FAT1: variants seen among roughly 807,000 people sequenced by gnomAD.
The protein encoded by FAT1 is FAT atypical cadherin 1, also known as protocadherin Fat 1.
In FAT1, 171 loss-of-function variants were observed where a neutral mutation model predicts 329.8. That is an observed-to-expected ratio of 0.52 (90% CI 0.46 to 0.59). The LOEUF (loss-of-function observed/expected upper bound fraction) is 0.59, where lower values mean the gene tolerates loss of function less well. FAT1 is among the 20% of genes least tolerant of loss of function. The probability of loss-of-function intolerance (pLI) is 0.00; values close to 1 mark genes in which losing one functional copy is unlikely to be tolerated. For synonymous variants in FAT1, 2,233 were observed against 2,228.6 expected (o/e 1.00, Z -0.06); for missense variants, 5,672 against 5,774.4 (o/e 0.98, Z 0.57).
At position 186,603,221 on chromosome 4, in the gene FAT1, A is replaced by G; in HGVS notation, c.11305T>C (p.Phe3769Leu). 1 of 1,613,738 alleles carries G rather than the reference A, an allele frequency of 6.2e-7. No individual in the cohort carries two copies. The highest frequency in any genetic ancestry group is 8.5e-7 in the Non-Finnish European group (1 of 1,179,814). ...MSTHSTARLS[F>L]VTPRHHRAAV... Reference sequence around the variant, plus strand: ...GCCCTGTGGTGGCGGGGAGTCACAAAACTCAGTCTGGCTGTGCTGTGTGTT... The same window carrying G: ...GCCCTGTGGTGGCGGGGAGTCACAAGACTCAGTCTGGCTGTGCTGTGTGTT... The change falls in exon 19 of 27, where the codon TTT becomes CTT. Residue 3769 changes from phenylalanine to leucine, a missense_variant. By Grantham distance (22) the Phe-to-Leu change is conservative. Around this residue, in one of 2 missense-constraint regions of FAT1, gnomAD observed 1,706 missense variants for 1,859.1 expected, o/e 0.92. Transcript: ENST00000441802.
Position 186,609,968 on chromosome 4 carries a change from ACT to A in FAT1, c.9899_9900del (p.Glu3300ValfsTer9), listed in dbSNP as rs1560930925. 1 of 1,613,568 alleles carries A rather than the reference ACT, an allele frequency of 6.2e-7. No individual in the cohort carries two copies. The highest frequency in any genetic ancestry group is 1.7e-5 in the Admixed American group (1 of 60,018). On this transcript the variant is annotated frameshift_variant, in exon 15 of 27. Coordinates refer to ENST00000441802, the MANE Select transcript of FAT1 (RefSeq NM_005245.4). LOFTEE classifies it high-confidence loss of function. ...IENLDYESSHEYYLTVEATDG... is the reference protein window; with the variant it reads ...IENLDYESSHXYYLTVEATDG... The stretch of plus-strand genomic sequence containing the variant: ...TCAGTGGCCTCTACTGTTAGGTAAT[ACT>A]CATGAGAGCTCTCATAATCCAGATT...
intron 26 of FAT1, among the ~76,000 whole-genome samples, chr4:186,592,145 T>C (rs1264523238): frequency 6.6e-6 from 1 of 152,218 alleles, no homozygotes; most frequent in Non-Finnish European, 1.5e-5. Context: ...TAAAGGGCTA[T>C]TTTAATTTAA....
chr4:186,618,330 CACAAAGG>C lies in FAT1; in HGVS notation c.8249_8255del (p.Ser2750Ter). Reference sequence around the variant, plus strand: ...TCAGTCTCCCGCTCTGTCTGTCAATCACAAAGGACTCATCCCTATTGCTTTCTGGAGT... The same window carrying C: ...TCAGTCTCCCGCTCTGTCTGTCAATCACTCATCCCTATTGCTTTCTGGAGT... On this transcript the variant is annotated frameshift_variant, in exon 10 of 27. Coordinates refer to ENST00000441802, the MANE Select transcript of FAT1 (RefSeq NM_005245.4). LOFTEE classifies it high-confidence loss of function. 6.2e-7 allele frequency: 1 copy of C among 1,614,042 alleles called. No homozygotes were observed. The highest frequency in any genetic ancestry group is 8.5e-7 in the Non-Finnish European group (1 of 1,179,900).
intron 2 of FAT1, among the ~76,000 whole-genome samples, chr4:186,674,607 C>CTAAAGGA (rs1179503938): frequency 6.6e-6 from 1 of 152,170 alleles, no homozygotes; most frequent in Non-Finnish European, 1.5e-5. Flanking sequence ...GAAGGCCAAA[C>CTAAAGGA]AGATCCCTGT....
At chr4:186,656,898 C>T (rs1226860765) in intron 3 of FAT1, among the ~76,000 whole-genome samples, 1 of 152,112 alleles carries the variant, frequency 6.6e-6, no homozygotes, top group Non-Finnish European at 1.5e-5. Flanking sequence ...CTTAAAAAGG[C>T]ATCTTTTTCT....
rs1204978979 is a variant in FAT1, at chr4:186,620,921, A to G, written c.5665T>C (p.Leu1889=). 1 of 1,614,070 alleles carries G rather than the reference A, an allele frequency of 6.2e-7. No homozygotes were observed. Among genetic ancestry groups the G allele is most frequent in the Non-Finnish European group, 8.5e-7 (1 of 1,179,910 alleles). The change falls in exon 10 of 27, where the codon TTG becomes CTG. Residue 1889 remains leucine (L), a synonymous_variant. Transcript: ENST00000441802. ...TTTACTCCTTTGTATGTTGGTAACA[A>G]AAGAGATGCTTCATATAATGGCTTG... The part of the protein sequence containing the change: ...FAKPLYEASL[L]LPTYKGVKVI...
At position 186,636,312 on chromosome 4, in the gene FAT1, G is replaced by A. The variant is rs974467302; in HGVS notation, c.3973-77C>T. 5 of 1,377,236 alleles carry A rather than the reference G, an allele frequency of 3.6e-6. No individual in the cohort carries two copies. In the African/African-American group the frequency reaches 5.7e-5, roughly 16 times the overall value. The allele number at this position is 1,377,236 out of a possible 1,614,324, so 85.3% of individuals were successfully genotyped here. ...CCAGAAATGAATGAAGCACAGACTG[G>A]TTTGGTCTTAAACTGAGCCAATTTC... is the stretch of plus-strand genomic sequence containing the variant. On this transcript the variant is annotated intron_variant, in intron 5 of 26. Coordinates refer to ENST00000441802, the MANE Select transcript of FAT1 (RefSeq NM_005245.4).
At chr4:186,604,020 GT>G in intron 18 of FAT1, 43 bp from the exon 19 acceptor site, 1 of 1,422,030 alleles carries the variant, frequency 7.0e-7, no homozygotes, top group South Asian at 1.3e-5. Context: ...CTATGGCACT[GT>G]TTATAACTTC....
chr4:186,615,124 A>T (rs1005175967), intron 11 of FAT1, among the ~76,000 whole-genome samples: 1 of 152,202 alleles, frequency 6.6e-6, no homozygotes, highest in African/African-American at 2.4e-5. Flanking sequence ...ATGAATTTAA[A>T]GGATCTAGTG....
At chr4:186,657,944 G>C (rs1457906932) in intron 3 of FAT1, among the ~76,000 whole-genome samples, 1 of 152,148 alleles carries the variant, frequency 6.6e-6, no homozygotes, top group Non-Finnish European at 1.5e-5. Context: ...TCTTTTGTTT[G>C]GGACTCCCTT....
At chr4:186,715,661 A>T (rs1745177054) in intron 1 of FAT1, among the ~76,000 whole-genome samples, 1 of 152,198 alleles carries the variant, frequency 6.6e-6, no homozygotes, top group Admixed American at 6.5e-5. Flanking sequence ...TGCTTATGGA[A>T]ATTAAACTCC....
chr4:186,666,228 A>C (rs1237952150), intron 2 of FAT1, among the ~76,000 whole-genome samples: 1 of 152,200 alleles, frequency 6.6e-6, no homozygotes, highest in African/African-American at 2.4e-5. Context: ...CCTCAGAACC[A>C]AATAAAAATG....
Position 186,618,129 on chromosome 4 carries a change from A to G in FAT1, c.8457T>C (p.Val2819=), listed in dbSNP as rs1476544185. The change falls in exon 10 of 27, where the codon GTT becomes GTC. Residue 2819 remains valine, a synonymous_variant. Coordinates refer to ENST00000441802, the MANE Select transcript of FAT1 (RefSeq NM_005245.4). ...FESSPYEAFI[V]ENLPGGSRVI... ...CTCTACTTCCCCCTGGCAGGTTTTC[A>G]ACAATGAATGCCTCATATGGACTAG... The G allele has an allele frequency of 6.2e-7, 1 of 1,613,918 alleles. No individual in the cohort carries two copies. Among genetic ancestry groups the G allele is most frequent in the East Asian group, 2.2e-5 (1 of 44,896 alleles).
intron 7 of FAT1, among the ~76,000 whole-genome samples, chr4:186,631,494 C>A (rs1403874762): frequency 6.6e-6 from 1 of 151,286 alleles, no homozygotes; most frequent in East Asian, 1.9e-4. Flanking sequence ...ATCGTAGTGT[C>A]TCGCCTCCCA....
chr4:186,639,720 A>G lies in FAT1; in HGVS notation c.3642+2T>C. 3 of 1,596,524 alleles carry G rather than the reference A, an allele frequency of 1.9e-6. No homozygotes were observed. The highest frequency in any genetic ancestry group is 2.6e-6 in the Non-Finnish European group (3 of 1,172,400). On this transcript the variant is annotated splice_donor_variant, in intron 4 of 26. Coordinates refer to ENST00000441802, the MANE Select transcript of FAT1 (RefSeq NM_005245.4). LOFTEE classifies it high-confidence loss of function. ...AGTATTAAAGATAAAAAAAAAACTTACCTCTAATATGTGTTCATCTTGCTG... is the reference window on the plus strand; with the variant it reads ...AGTATTAAAGATAAAAAAAAAACTTGCCTCTAATATGTGTTCATCTTGCTG...
Position 186,609,300 on chromosome 4 carries a change from A to C in FAT1, c.10089T>G (p.Asp3363Glu). The C allele has an allele frequency of 6.2e-7, 1 of 1,614,042 alleles. No homozygotes were observed. The highest frequency in any genetic ancestry group is 8.5e-7 in the Non-Finnish European group (1 of 1,179,882). Residue 3363 changes from aspartate to glutamate, a missense_variant, in exon 16 of 27, where the codon GAT (aspartate) becomes GAG (glutamate). This residue lies in a region of FAT1 where 1,706 missense variants were observed against 1,859.1 expected (regional missense o/e 0.92). Coordinates refer to ENST00000441802, the MANE Select transcript of FAT1 (RefSeq NM_005245.4). ...AGTGGATGTGGCTGTTGGAAGGTCC[A>C]TCGGCATCATCGGCCATAACCTAGA... is the stretch of plus-strand genomic sequence containing the variant. Reference protein sequence around the residue: ...SVITVMADDADGPSNSHIHYS... With the variant: ...SVITVMADDAEGPSNSHIHYS...
rs116289110 is a variant in FAT1, at chr4:186,602,723, G to T, written c.11482+180C>A. On this transcript the variant is annotated intron_variant, in intron 20 of 26. Coordinates refer to ENST00000441802, the MANE Select transcript of FAT1 (RefSeq NM_005245.4). ...GAGGGACACCAACTATGAACCAAGG[G>T]GTGTGCTGTAACAAGAGGAAGCAAA... Among the ~76,000 whole-genome samples the T allele has an allele frequency of 0.022, 3,288 of 152,128 alleles. 56 individuals carry two copies. The highest frequency in any genetic ancestry group is 0.049 in the African/African-American group (2,051 of 41,472).
chr4:186,597,293 A>G, intron 24 of FAT1, 122 bp from the exon 25 acceptor site: 3 of 1,118,922 alleles, frequency 2.7e-6, no homozygotes, highest in African/African-American at 1.6e-5. Context: ...TCAAACCCAG[A>G]TAAAAGACAA....
At chr4:186,687,925 T>C (rs532559701) in intron 2 of FAT1, among the ~76,000 whole-genome samples, 4 of 152,232 alleles carry the variant, frequency 2.6e-5, no homozygotes, top group African/African-American at 4.8e-5. Context: ...CAGGTACATA[T>C]GAGTTAGGGG....
Sources: gnomAD v4.1 joint callset for allele counts (sites outside exome capture counted in the v4.1 genomes callset) on GRCh38, gnomAD v4.1.1 for gene constraint, gnomAD v4.1.1 regional missense constraint, MANE v1.5 for transcripts, NCBI Gene and HGNC (gene_info 2026-07-23, HGNC 2026-07-21) for gene names.